Variants in RBFOX1 observed in about 807,000 individuals in gnomAD.
RBFOX1 encodes RNA binding fox-1 homolog 1.
RBFOX1 carries 8 observed loss-of-function variants against 57.7 expected under a neutral mutation model. The observed-to-expected ratio is 0.14, with a 90% confidence interval of 0.08 to 0.25. The LOEUF (loss-of-function observed/expected upper bound fraction) is 0.25. Among genes scored for constraint, RBFOX1 ranks in the 10% least tolerant of loss-of-function variants. The probability of loss-of-function intolerance (pLI) is 1.00; values close to 1 mark genes in which losing one functional copy is unlikely to be tolerated. For synonymous variants in RBFOX1, 326 were observed against 222.4 expected (o/e 1.47, Z -4.15); for missense variants, 611 against 548.5 (o/e 1.11, Z -1.14).
intron 2 of RBFOX1, among the ~76,000 whole-genome samples, chr16:6,511,429 C>A (rs1483770541): frequency 6.6e-6 from 1 of 152,180 alleles, no homozygotes; most frequent in Non-Finnish European, 1.5e-5. Context: ...GGGAATTTTC[C>A]TGCTCTGTTC....
chr16:7,228,055 C>T (rs62017363), intron 4 of RBFOX1, among the ~76,000 whole-genome samples: 1 of 151,912 alleles, frequency 6.6e-6, no homozygotes, highest in East Asian at 1.9e-4. Context: ...CGACTTTCTC[C>T]TGATACTGCC....
chr16:6,685,031 C>A (rs1449023644), intron 3 of RBFOX1, among the ~76,000 whole-genome samples: 1 of 152,086 alleles, frequency 6.6e-6, no homozygotes, highest in Non-Finnish European at 1.5e-5. Flanking sequence ...GAGGAACTTG[C>A]CTAAGGCTGC....
intron 4 of RBFOX1, among the ~76,000 whole-genome samples, chr16:7,121,336 G>A (rs1252328682): frequency 6.6e-6 from 1 of 151,980 alleles, no homozygotes; most frequent in African/African-American, 2.4e-5. Context: ...TTTAATCACA[G>A]ATAATAGAAT....
chr16:5,687,286 C>G (rs898028954), intron 3 of RBFOX1, among the ~76,000 whole-genome samples: 53 of 152,088 alleles, frequency 3.5e-4, no homozygotes, highest in Admixed American at 3.0e-3. Context: ...TTCATGATGT[C>G]CTGGTTTAGT....
intron 4 of RBFOX1, among the ~76,000 whole-genome samples, chr16:7,328,367 C>G (rs1297744197): frequency 6.6e-6 from 1 of 151,038 alleles, no homozygotes; most frequent in African/African-American, 2.4e-5. Context: ...GTAATCCCAG[C>G]TACTCGGCAG....
intron 2 of RBFOX1, among the ~76,000 whole-genome samples, chr16:6,586,799 G>C (rs1251994729): frequency 6.6e-6 from 1 of 152,058 alleles, no homozygotes; most frequent in Non-Finnish European, 1.5e-5. Context: ...TAAGAAGCAG[G>C]GTTTTGTTTT....
intron 2 of RBFOX1, among the ~76,000 whole-genome samples, chr16:5,567,709 T>A (rs2046123515): frequency 6.7e-6 from 1 of 148,954 alleles, no homozygotes; most frequent in Non-Finnish European, 1.5e-5. Context: ...TTACTGTCAT[T>A]GCTGACATCA....
At chr16:6,839,923 G>A (rs1298736307) in intron 3 of RBFOX1, among the ~76,000 whole-genome samples, 5 of 152,072 alleles carry the variant, frequency 3.3e-5, no homozygotes, top group Admixed American at 3.3e-4. Flanking sequence ...GCATTATTAT[G>A]TATATTTGCT....
At chr16:6,368,602 T>G (rs918821139) in intron 2 of RBFOX1, among the ~76,000 whole-genome samples, 7 of 152,232 alleles carry the variant, frequency 4.6e-5, no homozygotes, top group African/African-American at 1.4e-4. Context: ...CATGCCCTTA[T>G]TATTTAGCTC....
intron 4 of RBFOX1, among the ~76,000 whole-genome samples, chr16:7,312,139 G>A (rs1266897830): frequency 6.6e-6 from 1 of 152,224 alleles, no homozygotes; most frequent in African/African-American, 2.4e-5. Flanking sequence ...CAGCACTTTA[G>A]GAGGCAGAGG....
At chr16:7,688,246 TGTGTGTGTGTGTGTGA>T (rs1195909642) in intron 14 of RBFOX1, among the ~76,000 whole-genome samples, 6 of 102,522 alleles carry the variant, frequency 5.9e-5, no homozygotes, top group African/African-American at 1.3e-4. Context: ...TGTGTGTGTG[TGTGTGTGTGTGTGTGA>T]GAGAGAGAGA....
intron 1 of RBFOX1, among the ~76,000 whole-genome samples, chr16:5,359,100 T>C (rs188985646): frequency 8.7e-4 from 132 of 152,374 alleles, no homozygotes; most frequent in Admixed American, 6.9e-3. Flanking sequence ...TCACTTAGCA[T>C]AGTGACCTCC....
At chr16:6,324,517 C>T (rs2082155842) in intron 2 of RBFOX1, among the ~76,000 whole-genome samples, 1 of 152,046 alleles carries the variant, frequency 6.6e-6, no homozygotes, top group African/African-American at 2.4e-5. Flanking sequence ...TCTTACATGG[C>T]CAGAGCAGGA....
intron 4 of RBFOX1, among the ~76,000 whole-genome samples, chr16:7,183,868 A>G (rs1279891580): frequency 6.6e-6 from 1 of 152,204 alleles, no homozygotes; most frequent in Non-Finnish European, 1.5e-5. Flanking sequence ...CTCTGCCCTC[A>G]TGGAACCACC....
intron 3 of RBFOX1, among the ~76,000 whole-genome samples, chr16:5,672,787 G>A (rs570793194): frequency 1.3e-5 from 2 of 152,262 alleles, no homozygotes; most frequent in African/African-American, 2.4e-5. Context: ...GCTAAATTCA[G>A]TGGTTTCTGA....
chr16:5,840,733 G>A (rs2056600100), intron 3 of RBFOX1, among the ~76,000 whole-genome samples: 1 of 152,166 alleles, frequency 6.6e-6, no homozygotes, highest in Non-Finnish European at 1.5e-5. Flanking sequence ...CCTTCTCACA[G>A]CACACTGGCT....
chr16:6,822,518 A>C (rs541771989), intron 3 of RBFOX1, among the ~76,000 whole-genome samples: 1 of 152,232 alleles, frequency 6.6e-6, no homozygotes, highest in African/African-American at 2.4e-5. Flanking sequence ...CAGGAATGCA[A>C]TTCCACTTCG....
chr16:5,300,754 C>G (rs1432661308), intron 1 of RBFOX1, among the ~76,000 whole-genome samples: 1 of 151,990 alleles, frequency 6.6e-6, no homozygotes, highest in African/African-American at 2.4e-5. Context: ...TTGTTCCTTT[C>G]ATCTAGGTTG....
In RBFOX1 at chr16:5,807,227, T is replaced by C. The variant is rs141076066; in HGVS notation, c.319-60076T>C. On this transcript the variant is annotated intron_variant, in intron 3 of 19. Coordinates refer to the RBFOX1 transcript ENST00000641259. ...CCTATTGTCCTGGGCAGTAAGATAG[T>C]TGTGGCCATCCCTCCTCTCCCTTCA... Among the ~76,000 whole-genome samples, 343 of 152,310 alleles carry C rather than the reference T, an allele frequency of 2.3e-3. 1 individual carries two copies. The highest frequency in any genetic ancestry group is 8.1e-3 in the African/African-American group (336 of 41,580).
Sources: allele counts gnomAD v4.1 joint callset (sites outside exome capture counted in the v4.1 genomes callset), GRCh38; gene constraint gnomAD v4.1.1; transcripts MANE v1.5; gene names NCBI Gene and HGNC (gene_info 2026-07-23, HGNC 2026-07-21).